Variants in GABRB2 observed in about 807,000 individuals in gnomAD.
The protein encoded by GABRB2 is gamma-aminobutyric acid type A receptor subunit beta2.
GABRB2 carries 16 observed loss-of-function variants against 54.7 expected under a neutral mutation model. That is an observed-to-expected ratio of 0.29 (90% CI 0.20 to 0.44). GABRB2 has a LOEUF of 0.44. Ranked by LOEUF, GABRB2 falls within the 20% of genes least tolerant of loss-of-function variation. The probability of loss-of-function intolerance (pLI) is 1.00; values close to 1 mark genes in which losing one functional copy is unlikely to be tolerated. For synonymous variants in GABRB2, 244 were observed against 233.8 expected (o/e 1.04, Z -0.40); for missense variants, 355 against 644.0 (o/e 0.55, Z 4.86).
intron 5 of GABRB2, among the ~76,000 whole-genome samples, chr5:161,408,911 G>C (rs751676360): frequency 3.3e-5 from 5 of 152,054 alleles, no homozygotes; most frequent in South Asian, 2.1e-4. Context: ...TGGAGAACCA[G>C]TAGTTTAAGG....
chr5:161,421,046 C>T (rs990937317), intron 4 of GABRB2, among the ~76,000 whole-genome samples: 1 of 152,208 alleles, frequency 6.6e-6, no homozygotes, highest in Non-Finnish European at 1.5e-5. Flanking sequence ...CCTTCCCTCA[C>T]CATTGGCCAC....
At chr5:161,462,167 A>T (rs969020163) in intron 3 of GABRB2, among the ~76,000 whole-genome samples, 1 of 152,172 alleles carries the variant, frequency 6.6e-6, no homozygotes, top group African/African-American at 2.4e-5. Flanking sequence ...AATATCCTAA[A>T]TGTGTATCAA....
intron 4 of GABRB2, among the ~76,000 whole-genome samples, chr5:161,414,164 G>A (rs1276859974): frequency 1.3e-5 from 2 of 152,002 alleles, no homozygotes; most frequent in Non-Finnish European, 2.9e-5. Context: ...GTCTTCTATT[G>A]GATTAGAACA....
chr5:161,292,623 C>G lies in GABRB2; in HGVS notation c.*1458G>C, dbSNP rs1757268398. The G allele has an allele frequency of 6.6e-6, 1 of 152,162 alleles. No individual in the cohort carries two copies. The highest frequency in any genetic ancestry group is 2.1e-4 in the South Asian group (1 of 4,830). The allele number at this position is 152,162 out of a possible 1,614,324, so 9.4% of individuals were successfully genotyped here. A position where few individuals can be genotyped will look rare whatever the true frequency, so the allele number is the denominator to read the frequency against. The stretch of plus-strand genomic sequence containing the variant: ...ATCAACTGAGGCTCATAACATTTAT[C>G]ATGTTAATGTGGCTTTGTTATTATT... On this transcript the variant is annotated 3_prime_UTR_variant, in exon 10 of 10. Transcript: ENST00000393959.
intron 9 of GABRB2, among the ~76,000 whole-genome samples, chr5:161,321,427 T>G (rs551252786): frequency 1.3e-5 from 2 of 152,120 alleles, no homozygotes; most frequent in African/African-American, 4.8e-5. Context: ...CTCCTGGACA[T>G]GTATAGCTTT....
chr5:161,407,600 GT>G (rs759945664), intron 5 of GABRB2, among the ~76,000 whole-genome samples: 3 of 151,986 alleles, frequency 2.0e-5, no homozygotes, highest in Non-Finnish European at 4.4e-5. Flanking sequence ...TAACTTTGTT[GT>G]TGTTTGGTGC....
intron 5 of GABRB2, among the ~76,000 whole-genome samples, chr5:161,390,021 G>T (rs182180752): frequency 4.7e-4 from 71 of 151,940 alleles, no homozygotes; most frequent in Middle Eastern, 3.4e-3. Context: ...ATAACAGTAG[G>T]CAATGTATAA....
At chr5:161,532,775 G>A (rs1760504047) in intron 3 of GABRB2, among the ~76,000 whole-genome samples, 1 of 151,928 alleles carries the variant, frequency 6.6e-6, no homozygotes, top group Non-Finnish European at 1.5e-5. Context: ...AGCCAATTAA[G>A]TTAGCAGTTG....
In GABRB2 at chr5:161,294,067, T is replaced by C. The variant is rs1345198252; in HGVS notation, c.*14A>G. On this transcript the variant is annotated 3_prime_UTR_variant, in exon 10 of 10. Transcript: ENST00000393959. ...GGAGGAATCTAGTCCTTGCTTCCAGTGGGAGGCCATGTTTTAGTTCACATA... is the reference window on the plus strand; with the variant it reads ...GGAGGAATCTAGTCCTTGCTTCCAGCGGGAGGCCATGTTTTAGTTCACATA... 15 of 1,590,510 alleles carry C rather than the reference T, an allele frequency of 9.4e-6. No homozygotes were observed. Among genetic ancestry groups the C allele is most frequent in the Admixed American group, 1.7e-5 (1 of 59,436 alleles).
rs1160769432 is a variant in GABRB2, at chr5:161,290,977, TGAGAA to T, written c.*3099_*3103del. ...TTACTTAGCACTGCTTTTGAAGAAA[TGAGAA>T]GAGAAAAGGTCTAGATGGCACTGCT... On this transcript the variant is annotated 3_prime_UTR_variant, in exon 10 of 10. Transcript: ENST00000393959. 2.0e-5 allele frequency: 3 copies of T among 152,532 alleles called. No homozygotes were observed. Among genetic ancestry groups the T allele is most frequent in the Non-Finnish European group, 2.9e-5 (2 of 67,994 alleles). The allele number at this position is 152,532 out of a possible 1,614,324, so 9.4% of individuals were successfully genotyped here. A position where few individuals can be genotyped will look rare whatever the true frequency, so the allele number is the denominator to read the frequency against.
intron 5 of GABRB2, among the ~76,000 whole-genome samples, chr5:161,367,065 G>A (rs1015196881): frequency 6.6e-6 from 1 of 152,052 alleles, no homozygotes; most frequent in Non-Finnish European, 1.5e-5. Flanking sequence ...ATTGCTCTAA[G>A]AATATATTCC....
intron 3 of GABRB2, among the ~76,000 whole-genome samples, chr5:161,537,399 C>T (rs1452800817): frequency 6.6e-6 from 1 of 151,654 alleles, no homozygotes; most frequent in Non-Finnish European, 1.5e-5. Flanking sequence ...ATTCCATGTG[C>T]ATAGAAAAAA....
At chr5:161,505,596 T>C (rs996284202) in intron 3 of GABRB2, among the ~76,000 whole-genome samples, 4 of 152,174 alleles carry the variant, frequency 2.6e-5, no homozygotes, top group African/African-American at 7.2e-5. Context: ...TAGAGCACGA[T>C]AAAATAGAGT....
chr5:161,472,371 G>A (rs1027302726), intron 3 of GABRB2, among the ~76,000 whole-genome samples: 11 of 151,098 alleles, frequency 7.3e-5, no homozygotes, highest in South Asian at 2.1e-4. Flanking sequence ...CCCATCCTTC[G>A]CCAACATTGC....
chr5:161,351,699 A>G (rs1190836873), intron 5 of GABRB2, among the ~76,000 whole-genome samples: 1 of 152,118 alleles, frequency 6.6e-6, no homozygotes, highest in African/African-American at 2.4e-5. Context: ...AAACATACAA[A>G]TGGGAATACA....
chr5:161,398,793 G>A (rs988232234), intron 5 of GABRB2, among the ~76,000 whole-genome samples: 3 of 152,028 alleles, frequency 2.0e-5, no homozygotes, highest in Admixed American at 6.6e-5. Flanking sequence ...CGGTTCAAGC[G>A]ATTCTCCTGC....
chr5:161,488,846 T>C (rs1287917179), intron 3 of GABRB2, among the ~76,000 whole-genome samples: 2 of 151,788 alleles, frequency 1.3e-5, no homozygotes, highest in African/African-American at 4.8e-5. Flanking sequence ...CAGCAAGCAA[T>C]TGGTGTCATT....
intron 5 of GABRB2, among the ~76,000 whole-genome samples, chr5:161,355,728 C>T (rs1754603653): frequency 6.6e-6 from 1 of 152,000 alleles, no homozygotes; most frequent in South Asian, 2.1e-4. Flanking sequence ...GGATCTGACT[C>T]AAACCATGTC....
intron 5 of GABRB2, among the ~76,000 whole-genome samples, chr5:161,382,341 C>T (rs2113485333): frequency 6.6e-6 from 1 of 152,178 alleles, no homozygotes; most frequent in East Asian, 1.9e-4. Flanking sequence ...AGATACTCAT[C>T]AGACTGAGGG....
Sources: allele counts gnomAD v4.1 joint callset (sites outside exome capture counted in the v4.1 genomes callset), GRCh38; gene constraint gnomAD v4.1.1; transcripts MANE v1.5; gene names NCBI Gene and HGNC (gene_info 2026-07-23, HGNC 2026-07-21).